The following CADM2 variants were observed in gnomAD, a reference collection of about 807,000 sequenced individuals.
CADM2 encodes the protein cell adhesion molecule 2, also known as immunoglobulin superfamily member 4D.
A neutral mutation model predicts 49.8 loss-of-function variants in CADM2; 12 were observed. The observed-to-expected ratio is 0.24, with a 90% CI of 0.15 to 0.39. The LOEUF (loss-of-function observed/expected upper bound fraction) is 0.39, where lower values mean the gene tolerates loss of function less well. Among genes scored for constraint, CADM2 ranks in the 10% least tolerant of loss-of-function variants. The pLI is 1.00. For synonymous variants in CADM2, 214 were observed against 175.4 expected, an observed-to-expected ratio of 1.22 and a Z score of -1.74; for missense variants, 378 against 492.3, an observed-to-expected ratio of 0.77 and a Z score of 2.20.
intron 1 of CADM2, among the ~76,000 whole-genome samples, chr3:85,405,643 G>C (rs962652761): frequency 6.6e-6 from 1 of 151,992 alleles, no homozygotes; most frequent in African/African-American, 2.4e-5. Context: ...TGAAAGTAGC[G>C]TTCCTATAGA....
chr3:85,347,945 C>G (rs753761111), intron 1 of CADM2, among the ~76,000 whole-genome samples: 25 of 151,892 alleles, frequency 1.6e-4, no homozygotes, highest in Non-Finnish European at 3.4e-4. Context: ...GTAGCTGGGA[C>G]TACAGGCGCC....
At chr3:85,379,015 G>A (rs1402635713) in intron 1 of CADM2, among the ~76,000 whole-genome samples, 1 of 151,872 alleles carries the variant, frequency 6.6e-6, no homozygotes. Context: ...ATCATAAGAT[G>A]GTATTTTAGA....
chr3:85,978,495 G>C (rs1356735874), intron 8 of CADM2, among the ~76,000 whole-genome samples: 1 of 151,460 alleles, frequency 6.6e-6, no homozygotes, highest in Non-Finnish European at 1.5e-5. Flanking sequence ...CTCAATACTT[G>C]TTAAAGACTC....
rs1180280241 is a variant in CADM2, at chr3:85,170,667, C to G, written c.61+210999C>G. 2.0e-5 allele frequency among the ~76,000 whole-genome samples: 3 copies of G among 152,230 alleles called. No individual in the cohort carries two copies. The East Asian group carries it at 5.8e-4, about 29-fold the overall frequency. ...ATTTTAAAAATAAAATTCTTCATGGCTTTTCTCTGCAGTGCTGAACTTTGA... is the reference window on the plus strand; with the variant it reads ...ATTTTAAAAATAAAATTCTTCATGGGTTTTCTCTGCAGTGCTGAACTTTGA... On this transcript the variant is annotated intron_variant, in intron 1 of 9. Transcript: ENST00000383699.
chr3:85,137,226 T>C (rs1398415103), intron 1 of CADM2, among the ~76,000 whole-genome samples: 1 of 152,000 alleles, frequency 6.6e-6, no homozygotes, highest in African/African-American at 2.4e-5. Context: ...TCTTAATTTC[T>C]AAAACTGAGA....
intron 3 of CADM2, among the ~76,000 whole-genome samples, chr3:85,837,536 G>C (rs367691630): frequency 1.1e-4 from 17 of 151,612 alleles, no homozygotes; most frequent in African/African-American, 3.9e-4. Context: ...TTTGTACAAA[G>C]TGGAGATTTT....
chr3:85,838,430 GCAACCCACC>G (rs2074495967), intron 3 of CADM2, among the ~76,000 whole-genome samples: 1 of 151,740 alleles, frequency 6.6e-6, no homozygotes, highest in African/African-American at 2.4e-5. Context: ...AGAGCCTTGT[GCAACCCACC>G]TTGGAAGCTG....
intron 1 of CADM2, among the ~76,000 whole-genome samples, chr3:85,188,754 A>G (rs1410743975): frequency 1.3e-5 from 2 of 152,078 alleles, no homozygotes; most frequent in East Asian, 3.9e-4. Flanking sequence ...AGAGCAGGCC[A>G]GGCGCAGTGG....
intron 8 of CADM2, among the ~76,000 whole-genome samples, chr3:86,058,471 G>A (rs1281550834): frequency 1.3e-5 from 2 of 152,046 alleles, no homozygotes; most frequent in Non-Finnish European, 2.9e-5. Context: ...AAGATGAGAA[G>A]GCTAAAAAAC....
chr3:85,288,661 A>G (rs576843349), intron 1 of CADM2, among the ~76,000 whole-genome samples: 15 of 152,152 alleles, frequency 9.9e-5, no homozygotes, highest in African/African-American at 2.9e-4. Context: ...GTAGGTGCAC[A>G]TGCAAAATTC....
intron 1 of CADM2, among the ~76,000 whole-genome samples, chr3:85,469,798 A>G (rs533345690): frequency 6.6e-6 from 1 of 152,318 alleles, no homozygotes; most frequent in South Asian, 2.1e-4. Flanking sequence ...GTGTTAACAC[A>G]GTCAGTTTAT....
Position 85,182,602 on chromosome 3 carries a change from C to T in CADM2, c.61+222934C>T, listed in dbSNP as rs1014905762. On this transcript the variant is annotated intron_variant, in intron 1 of 9. Transcript: ENST00000383699. ...ATGTAACATTGTATGTTAGCTTGGA[C>T]GGAGGAATATAAAATTTAATTTTGA... 2.0e-4 allele frequency among the ~76,000 whole-genome samples: 31 copies of T among 151,954 alleles called. No homozygotes were observed. The South Asian group carries it at 2.1e-3, about 10-fold the overall frequency.
chr3:84,992,516 C>G (rs985566374), intron 1 of CADM2, among the ~76,000 whole-genome samples: 1 of 152,104 alleles, frequency 6.6e-6, no homozygotes, highest in African/African-American at 2.4e-5. Flanking sequence ...GTAGTCCCAG[C>G]TACTCAGGAG....
chr3:85,504,830 C>T (rs999810383), intron 1 of CADM2, among the ~76,000 whole-genome samples: 1 of 152,202 alleles, frequency 6.6e-6, no homozygotes, highest in Non-Finnish European at 1.5e-5. Context: ...CGCGGGAAGG[C>T]AGCTAAGGCC....
chr3:85,600,703 C>A (rs2063366611), intron 1 of CADM2, among the ~76,000 whole-genome samples: 1 of 151,322 alleles, frequency 6.6e-6, no homozygotes, highest in Admixed American at 6.6e-5. Flanking sequence ...TGATAAGATA[C>A]AAACATAATA....
At chr3:85,783,589 T>C (rs566825678) in intron 2 of CADM2, among the ~76,000 whole-genome samples, 2 of 152,162 alleles carry the variant, frequency 1.3e-5, no homozygotes, top group African/African-American at 2.4e-5. Flanking sequence ...GTCCTGGAGC[T>C]ACACAAGCTA....
At chr3:85,369,506 T>C (rs1394840758) in intron 1 of CADM2, among the ~76,000 whole-genome samples, 1 of 152,090 alleles carries the variant, frequency 6.6e-6, no homozygotes, top group Non-Finnish European at 1.5e-5. Context: ...CAGTGGCTCA[T>C]GCCTGTAATC....
At chr3:85,969,847 A>G (rs1255956430) in intron 8 of CADM2, among the ~76,000 whole-genome samples, 1 of 151,066 alleles carries the variant, frequency 6.6e-6, no homozygotes, top group African/African-American at 2.4e-5. Flanking sequence ...CGCTGTTTTC[A>G]AGAGAAGAAA....
intron 3 of CADM2, among the ~76,000 whole-genome samples, chr3:85,827,424 C>T (rs17023385): frequency 0.037 from 5,602 of 151,806 alleles, 322 homozygotes; most frequent in African/African-American, 0.13. Context: ...TTGCATAGCG[C>T]GGTGTGTAGA....
Sources: allele counts gnomAD v4.1 joint callset (sites outside exome capture counted in the v4.1 genomes callset), GRCh38; gene constraint gnomAD v4.1.1; transcripts MANE v1.5; gene names NCBI Gene and HGNC (gene_info 2026-07-23, HGNC 2026-07-21).